Variants in PKD1 observed in about 807,000 individuals in gnomAD.
PKD1 encodes the protein polycystin 1, transient receptor potential channel interacting.
PKD1 carries 81 observed loss-of-function variants against 361.7 expected under a neutral mutation model. The ratio of observed to expected loss-of-function variants is 0.22; its 90% CI spans 0.19 to 0.27. The LOEUF (loss-of-function observed/expected upper bound fraction) is 0.27. PKD1 is among the 10% of genes least tolerant of loss of function. PKD1 has a pLI of 1.00. For missense variants in PKD1, 6,399 were observed against 6,118.3 expected, an observed-to-expected ratio of 1.05 and a Z score of -1.53; for synonymous variants, 3,615 against 2,818.3, an observed-to-expected ratio of 1.28 and a Z score of -8.95.
In PKD1 at chr16:2,089,568, T is replaced by C. The variant is rs930966731; in HGVS notation, c.*159A>G. On this transcript the variant is annotated 3_prime_UTR_variant, in exon 46 of 46. Coordinates refer to ENST00000262304, the MANE Select transcript of PKD1 (RefSeq NM_001009944.3). Reference sequence around the variant, plus strand: ...GTCCTGGTTGGCCACACAGCCTCTTTAAAGTGCTGAAGCCCACAGACAGAC... The same window carrying C: ...GTCCTGGTTGGCCACACAGCCTCTTCAAAGTGCTGAAGCCCACAGACAGAC... The C allele has an allele frequency of 3.3e-6, 3 of 918,672 alleles. No individual in the cohort carries two copies. In the East Asian group the frequency reaches 8.0e-5, roughly 24 times the overall value. 56.9% of individuals were successfully genotyped at this position (918,672 alleles called of 1,614,324 possible). A position where few individuals can be genotyped will look rare whatever the true frequency, so the allele number is the denominator to read the frequency against.
At chr16:2,125,834 A>C (rs1249957824) in intron 1 of PKD1, among the ~76,000 whole-genome samples, 7 of 151,882 alleles carry the variant, frequency 4.6e-5, no homozygotes, top group African/African-American at 1.7e-4. Context: ...CTCCACTCCC[A>C]CCCTTCACAG....
rs563019663 is a variant in PKD1, at chr16:2,106,110, C to T, written c.7684G>A (p.Ala2562Thr). The T allele has an allele frequency of 3.4e-5, 54 of 1,604,436 alleles. 1 individual carries two copies. The highest frequency in any genetic ancestry group is 1.6e-4 in the African/African-American group (12 of 74,580). The change falls in exon 19 of 46, where the codon GCT (alanine) becomes ACT (threonine). Residue 2562 changes from alanine to threonine, a missense_variant. By Grantham distance (58) the Ala-to-Thr change is moderately conservative. Transcript: ENST00000262304. This position sits in a 1 kb window ranked among gnomAD's most constrained non-coding sequence, Gnocchi z 6.5. ...AVVVQDQLGAAVVALNRSLAI... is the reference protein window; with the variant it reads ...AVVVQDQLGATVVALNRSLAI... ...GCTCACCTGTTGAGGGCGACCACAG[C>T]GGCTCCCAGCTGGTCCTGCACCACC...
Position 2,090,520 on chromosome 16 carries a change from C to T in PKD1, c.12209G>A (p.Gly4070Glu), listed in dbSNP as rs1330251522. The T allele has an allele frequency of 3.7e-6, 6 of 1,610,888 alleles. No homozygotes were observed. The South Asian group carries it at 5.5e-5, about 15-fold the overall frequency. The change falls in exon 45 of 46, where the codon GGG becomes GAG. Residue 4070 changes from glycine to glutamate, a missense_variant. Physicochemically the swap from Gly to Glu is moderately conservative, Grantham distance 98. Transcript: ENST00000262304. ...QALLVLCPGT[G>E]LSTLCPAESW... ...CTCGGCAGGACACAGGGTAGAGAGCCCAGTCCCAGGGCACAGCACCAACAG... is the reference window on the plus strand; with the variant it reads ...CTCGGCAGGACACAGGGTAGAGAGCTCAGTCCCAGGGCACAGCACCAACAG...
intron 9 of PKD1, 113 bp from the exon 10 acceptor site, chr16:2,115,738 C>G: frequency 9.1e-7 from 1 of 1,093,896 alleles, no homozygotes; most frequent in Non-Finnish European, 1.3e-6. Context: ...GTCTCCCCAC[C>G]TGGGCAGCAC....
chr16:2,097,388 G>A lies in PKD1; in HGVS notation c.10336C>T (p.Leu3446=), dbSNP rs1447845903. The change falls in exon 33 of 46, where the codon CTG becomes TTG. Residue 3446 remains leucine (L), a synonymous_variant. Transcript: ENST00000262304. ...QLARGQAGHG[L]GPEEDGFSLA... is the part of the protein sequence containing the mutation. Reference sequence around the variant, plus strand: ...GAGAAGCCGTCCTCCTCTGGGCCCAGCCCATGGCCCGCCTGGCCCCGTGCC... The same window carrying A: ...GAGAAGCCGTCCTCCTCTGGGCCCAACCCATGGCCCGCCTGGCCCCGTGCC... 6.2e-7 allele frequency: 1 copy of A among 1,611,210 alleles called. No individual in the cohort carries two copies. Among genetic ancestry groups the A allele is most frequent in the East Asian group, 2.2e-5 (1 of 44,878 alleles).
intron 1 of PKD1, among the ~76,000 whole-genome samples, chr16:2,127,891 C>A (rs1249173677): frequency 7.3e-6 from 1 of 136,866 alleles, no homozygotes; most frequent in Non-Finnish European, 1.6e-5. Flanking sequence ...AGGGACACAG[C>A]AGGGATGAGC....
At chr16:2,125,993 G>A (rs531087882) in intron 1 of PKD1, among the ~76,000 whole-genome samples, 1 of 147,684 alleles carries the variant, frequency 6.8e-6, no homozygotes, top group Admixed American at 6.6e-5. Flanking sequence ...GCCAAGGTAG[G>A]AAGAGGATGG....
chr16:2,092,591 A>T lies in PKD1; in HGVS notation c.11158T>A (p.Ser3720Thr). ...HSRAFLAITR[S>T]EELWPWMAHV... is the part of the protein sequence containing the mutation. ...GCCATCCATGGCCAGAGCTCCTCAG[A>T]CCTGCCACAGCATCAGTCACACGCT... The change falls in exon 39 of 46, where the codon TCT becomes ACT. Residue 3720 changes from serine to threonine, a missense_variant and splice_region_variant. Coordinates refer to ENST00000262304, the MANE Select transcript of PKD1 (RefSeq NM_001009944.3). 1 of 1,596,870 alleles carries T rather than the reference A, an allele frequency of 6.3e-7. No individual in the cohort carries two copies. The highest frequency in any genetic ancestry group is 8.5e-7 in the Non-Finnish European group (1 of 1,169,768).
chr16:2,089,716 AG>A lies in PKD1; in HGVS notation c.*10del. 1 of 1,572,342 alleles carries A rather than the reference AG, an allele frequency of 6.4e-7. No individual in the cohort carries two copies. Among genetic ancestry groups the A allele is most frequent in the Non-Finnish European group, 8.6e-7 (1 of 1,160,272 alleles). ...TCCGACTCCACGGCCCACCCCCGCC[AG>A]GAAGGAGGACTAAGTGCTGCTGGGG... On this transcript the variant is annotated 3_prime_UTR_variant, in exon 46 of 46. Coordinates refer to ENST00000262304, the MANE Select transcript of PKD1 (RefSeq NM_001009944.3).
chr16:2,089,603 T>C lies in PKD1; in HGVS notation c.*124A>G, dbSNP rs547199668. On this transcript the variant is annotated 3_prime_UTR_variant, in exon 46 of 46. Coordinates refer to ENST00000262304, the MANE Select transcript of PKD1 (RefSeq NM_001009944.3). ...AAGCCCACAGACAGACAGATGCCCC[T>C]GCCTGCTCTCTGGGGAACCTACGTG... is the stretch of plus-strand genomic sequence containing the variant. 4.9e-6 allele frequency: 6 copies of C among 1,222,006 alleles called. No individual in the cohort carries two copies. In the Admixed American group the frequency reaches 1.0e-4, roughly 21 times the overall value. The allele number at this position is 1,222,006 out of a possible 1,614,324, so 75.7% of individuals were successfully genotyped here.
chr16:2,119,135 T>C lies in PKD1; in HGVS notation c.338A>G (p.Asn113Ser), dbSNP rs1315541372. Reference sequence around the variant, plus strand: ...TTACATTTCACTTAAATTAAATAAATTAGCAAATATTCCTTCTTCTAACGT... The same window carrying C: ...TTACATTTCACTTAAATTAAATAAACTAGCAAATATTCCTTCTTCTAACGT... ...ISTLEEGIFANLFNLSEINLS... is the reference protein window; with the variant it reads ...ISTLEEGIFASLFNLSEINLS... The change falls in exon 3 of 46, where the codon AAT becomes AGT. Residue 113 changes from asparagine (N) to serine (S), a missense_variant. Asn to Ser is a conservative substitution (Grantham distance 46, BLOSUM62 1). Transcript: ENST00000262304. The C allele has an allele frequency of 9.5e-6, 13 of 1,362,380 alleles. No homozygotes were observed. The Admixed American group carries it at 2.2e-4, about 23-fold the overall frequency. 84.4% of individuals were successfully genotyped at this position (1,362,380 alleles called of 1,614,324 possible).
rs374532728 is a variant in PKD1, at chr16:2,116,383, C to T, written c.1722+146G>A. 1.3e-4 allele frequency: 81 copies of T among 632,654 alleles called. No individual in the cohort carries two copies. The African/African-American group carries it at 1.3e-3, about 10-fold the overall frequency. The allele number at this position is 632,654 out of a possible 1,614,324, so 39.2% of individuals were successfully genotyped here. A position where few individuals can be genotyped will look rare whatever the true frequency, so the allele number is the denominator to read the frequency against. The stretch of plus-strand genomic sequence containing the variant: ...ATGTGAGTAAACGCTTTCCTCTCTG[C>T]ACTCTGGATTTTCCCAACCATCTTC... On this transcript the variant is annotated intron_variant, in intron 8 of 45. Transcript: ENST00000262304.
At position 2,091,168 on chromosome 16, in the gene PKD1, G is replaced by A. The variant is rs768176046; in HGVS notation, c.11719C>T (p.Leu3907=). The A allele has an allele frequency of 1.2e-5, 18 of 1,458,314 alleles. No homozygotes were observed. The highest frequency in any genetic ancestry group is 1.5e-5 in the African/African-American group (1 of 67,214). 90.3% of individuals were successfully genotyped at this position (1,458,314 alleles called of 1,614,324 possible). A position where few individuals can be genotyped will look rare whatever the true frequency, so the allele number is the denominator to read the frequency against. Residue 3907 remains leucine, a synonymous_variant, in exon 43 of 46, where the codon CTG becomes TTG. Coordinates refer to ENST00000262304, the MANE Select transcript of PKD1 (RefSeq NM_001009944.3). ...LSLPLLTSVC[L]LLFAVHFAVA... ...GCGAAGTGCACGGCGAACAGCAGCA[G>A]GCACACCTGTGGGGGGCGCGGTCAG...
intron 34 of PKD1, among the ~76,000 whole-genome samples, chr16:2,095,667 C>T (rs948504883): frequency 2.0e-5 from 3 of 152,210 alleles, no homozygotes; most frequent in Non-Finnish European, 2.9e-5. Flanking sequence ...TGAGGAAGGA[C>T]GCAGAGGGGT....
chr16:2,099,569 A>G, intron 30 of PKD1, 75 bp downstream of exon 30: 1 of 1,441,474 alleles, frequency 6.9e-7, no homozygotes, highest in Non-Finnish European at 9.4e-7. Flanking sequence ...CAGCACTGGA[A>G]AGTGGCGGCC....
Position 2,094,161 on chromosome 16 carries a change from C to G in PKD1, c.10549G>C (p.Gly3517Arg). ...KTETLALQRL[G>R]ELGPPSPGLN... is the part of the protein sequence containing the mutation. ...CCTGGGCTGGGTGGCCCCAGCTCCC[C>G]CAGCCTCTGCAGCGCCAGCGTCTCT... Residue 3517 changes from glycine to arginine, a missense_variant, in exon 35 of 46, where the codon GGG becomes CGG. Coordinates refer to ENST00000262304, the MANE Select transcript of PKD1 (RefSeq NM_001009944.3). The G allele has an allele frequency of 6.2e-7, 1 of 1,604,322 alleles. No individual in the cohort carries two copies. The highest frequency in any genetic ancestry group is 8.5e-7 in the Non-Finnish European group (1 of 1,175,640).
rs765481672 is a variant in PKD1, at chr16:2,105,483, G to A, written c.7864-9C>T. On this transcript the variant is annotated splice_polypyrimidine_tract_variant and intron_variant, in intron 20 of 45. Coordinates refer to ENST00000262304, the MANE Select transcript of PKD1 (RefSeq NM_001009944.3). Reference sequence around the variant, plus strand: ...TCCAGGGCCCGCTCGTACTGGGGCAGGCAGGGGGCACAGCAAGCTGTCAGC... The same window carrying A: ...TCCAGGGCCCGCTCGTACTGGGGCAAGCAGGGGGCACAGCAAGCTGTCAGC... The A allele has an allele frequency of 4.4e-6, 7 of 1,595,280 alleles. No homozygotes were observed. The highest frequency in any genetic ancestry group is 5.1e-6 in the Non-Finnish European group (6 of 1,179,124).
Position 2,106,579 on chromosome 16 carries a change from G to A in PKD1, c.7308C>T (p.Gly2436=), listed in dbSNP as rs373921873. Residue 2436 remains glycine, a synonymous_variant, in exon 18 of 46, where the codon GGC becomes GGT. Coordinates refer to ENST00000262304, the MANE Select transcript of PKD1 (RefSeq NM_001009944.3). This position sits in a 1 kb window ranked among gnomAD's most constrained non-coding sequence, Gnocchi z 6.5. ...TGTATCCCTCGCCGTCCCGCAGCAC[G>A]CCCCGCCGCAGCACCAGTCGCATGC... ...SAGMRLVLRR[G]VLRDGEGYTF... 33 of 1,595,902 alleles carry A rather than the reference G, an allele frequency of 2.1e-5. No individual in the cohort carries two copies. The African/African-American group carries it at 2.8e-4, about 14-fold the overall frequency.
chr16:2,094,114 C>A lies in PKD1; in HGVS notation c.10596G>T (p.Gln3532His). 2 of 1,592,756 alleles carry A rather than the reference C, an allele frequency of 1.3e-6. No individual in the cohort carries two copies. Among genetic ancestry groups the A allele is most frequent in the Non-Finnish European group, 1.7e-6 (2 of 1,169,022 alleles). ...CACCTGTCCTGGACAGCCTCGCTGC[C>A]TGGGGCTGTTCCCAGTTCAGGCCTG... ...PSPGLNWEQP[Q>H]AARLSRTGLV... Residue 3532 changes from glutamine to histidine, a missense_variant, in exon 35 of 46, where the codon CAG (glutamine) becomes CAT (histidine). Coordinates refer to ENST00000262304, the MANE Select transcript of PKD1 (RefSeq NM_001009944.3).
Sources: gnomAD v4.1 joint callset for allele counts (sites outside exome capture counted in the v4.1 genomes callset) on GRCh38, gnomAD v4.1.1 for gene constraint, Gnocchi (gnomAD v3.1) non-coding constraint, MANE v1.5 for transcripts, NCBI Gene and HGNC (gene_info 2026-07-23, HGNC 2026-07-21) for gene names.